PITPNC1: variants seen among roughly 807,000 people sequenced by gnomAD.
The protein encoded by PITPNC1 is cytoplasmic phosphatidylinositol transfer protein 1.
A neutral mutation model predicts 44.7 loss-of-function variants in PITPNC1; 18 were observed. The observed-to-expected ratio is 0.40, with a 90% CI of 0.28 to 0.60. PITPNC1 has a LOEUF of 0.60. Among genes scored for constraint, PITPNC1 ranks in the 20% least tolerant of loss-of-function variants. PITPNC1 has a pLI of 0.39. For missense variants in PITPNC1, 290 were observed against 418.4 expected (o/e 0.69, Z 2.68); for synonymous variants, 141 against 149.6 (o/e 0.94, Z 0.42).
intron 1 of PITPNC1, among the ~76,000 whole-genome samples, chr17:67,515,542 C>CT (rs1386928346): frequency 6.6e-6 from 1 of 152,200 alleles, no homozygotes; most frequent in Admixed American, 6.5e-5. Context: ...TTAATGAAGA[C>CT]TATGAATATG....
chr17:67,519,928 G>T (rs752407341), intron 1 of PITPNC1, among the ~76,000 whole-genome samples: 2 of 152,186 alleles, frequency 1.3e-5, no homozygotes, highest in Non-Finnish European at 2.9e-5. Flanking sequence ...GTTTGTCTAG[G>T]CATGAAGTGC....
At chr17:67,540,121 C>T (rs1314801402) in intron 2 of PITPNC1, among the ~76,000 whole-genome samples, 4 of 145,458 alleles carry the variant, frequency 2.7e-5, no homozygotes, top group South Asian at 2.2e-4. Flanking sequence ...TTTATTTTTT[C>T]GAGATGGAGT....
chr17:67,436,908 G>GGT (rs1475981276), intron 1 of PITPNC1, among the ~76,000 whole-genome samples: 10 of 68,418 alleles, frequency 1.5e-4, no homozygotes, highest in Non-Finnish European at 2.0e-4. Context: ...AAATAGGGGT[G>GGT]TTTTTTTTTT....
intron 5 of PITPNC1, among the ~76,000 whole-genome samples, chr17:67,616,639 A>G (rs1180953857): frequency 1.3e-5 from 2 of 151,958 alleles, no homozygotes; most frequent in African/African-American, 4.8e-5. Flanking sequence ...ATGGTTCTCA[A>G]CCCTTTTGTT....
chr17:67,577,204 A>T (rs2144229094), intron 4 of PITPNC1, among the ~76,000 whole-genome samples: 1 of 152,258 alleles, frequency 6.6e-6, no homozygotes, highest in Admixed American at 6.5e-5. Flanking sequence ...AGGTGGGAGG[A>T]TCGCTTGAGC....
At chr17:67,493,733 C>T (rs1172579265) in intron 1 of PITPNC1, among the ~76,000 whole-genome samples, 2 of 152,138 alleles carry the variant, frequency 1.3e-5, no homozygotes, top group African/African-American at 2.4e-5. Context: ...TGTTTTCCCT[C>T]CAGACGTGAG....
intron 1 of PITPNC1, among the ~76,000 whole-genome samples, chr17:67,438,083 G>T (rs897946840): frequency 1.3e-5 from 2 of 149,076 alleles, no homozygotes; most frequent in African/African-American, 4.9e-5. Flanking sequence ...AAGAAAAAAA[G>T]AAAAAAAAAG....
At chr17:67,386,482 T>C (rs535502774) in intron 1 of PITPNC1, among the ~76,000 whole-genome samples, 104 of 152,324 alleles carry the variant, frequency 6.8e-4, no homozygotes, top group African/African-American at 2.3e-3. Flanking sequence ...TGTGAGCCAC[T>C]GCGCCCCGCC....
At chr17:67,683,789 C>G (rs1417681806) in intron 8 of PITPNC1, among the ~76,000 whole-genome samples, 2 of 151,254 alleles carry the variant, frequency 1.3e-5, no homozygotes, top group Admixed American at 1.3e-4. Flanking sequence ...ACCAGCCTGA[C>G]CAACATGGTG....
intron 5 of PITPNC1, among the ~76,000 whole-genome samples, chr17:67,585,056 CAGTGAGCTGAGATCGT>C (rs1186820938): frequency 6.9e-6 from 1 of 145,792 alleles, no homozygotes; most frequent in East Asian, 2.0e-4. Flanking sequence ...GCAGAGATTG[CAGTGAGCTGAGATCGT>C]GCCATTGCAC....
intron 1 of PITPNC1, among the ~76,000 whole-genome samples, chr17:67,497,529 C>CTTTTTTTTTTTT (rs34364657): frequency 1.1e-5 from 1 of 87,506 alleles, no homozygotes; most frequent in Non-Finnish European, 2.1e-5. Flanking sequence ...TTGTTCGTGT[C>CTTTTTTTTTTTT]TTTTTTTTTT....
chr17:67,466,406 T>A (rs952064911), intron 1 of PITPNC1, among the ~76,000 whole-genome samples: 6 of 152,148 alleles, frequency 3.9e-5, no homozygotes, highest in Non-Finnish European at 8.8e-5. Flanking sequence ...TTCCCATTTG[T>A]TCAAACGCAA....
At position 67,462,771 on chromosome 17, in the gene PITPNC1, C is replaced by T. The variant is rs569414210; in HGVS notation, c.49-70031C>T. 5.0e-3 allele frequency among the ~76,000 whole-genome samples: 699 copies of T among 140,428 alleles called. 4 individuals carry two copies. The highest frequency in any genetic ancestry group is 0.018 in the African/African-American group (671 of 36,996). The allele number at this position is 140,428 out of a possible 152,430, so 92.1% of individuals were successfully genotyped here. A position where few individuals can be genotyped will look rare whatever the true frequency, so the allele number is the denominator to read the frequency against. On this transcript the variant is annotated intron_variant, in intron 1 of 8. Coordinates refer to ENST00000581322, the MANE Select transcript of PITPNC1 (RefSeq NM_012417.4). ...AGGCTGGAGTGCAATGGCGTGATAT[C>T]GGCTCACCGCAACCTCCGCCTCCTG...
At chr17:67,632,566 G>A (rs931390843) in intron 6 of PITPNC1, 15 of 223,558 alleles carry the variant, frequency 6.7e-5, no homozygotes, top group South Asian at 5.3e-4. Flanking sequence ...AATTACATGC[G>A]CTCTTTTTTT....
chr17:67,411,246 A>C (rs552030310), intron 1 of PITPNC1, among the ~76,000 whole-genome samples: 5 of 152,250 alleles, frequency 3.3e-5, no homozygotes, highest in African/African-American at 9.6e-5. Flanking sequence ...CTCATTCAAT[A>C]GTATCATGTG....
intron 5 of PITPNC1, among the ~76,000 whole-genome samples, chr17:67,609,660 C>T (rs2041661984): frequency 6.6e-6 from 1 of 152,048 alleles, no homozygotes; most frequent in African/African-American, 2.4e-5. Context: ...CAAGAGAGAG[C>T]AGGAAGAATC....
At chr17:67,499,843 C>G (rs995159611) in intron 1 of PITPNC1, among the ~76,000 whole-genome samples, 1 of 152,224 alleles carries the variant, frequency 6.6e-6, no homozygotes, top group Non-Finnish European at 1.5e-5. Context: ...TGTGTAAGAA[C>G]ATTCTATGAT....
chr17:67,379,466 C>G (rs2037925247), intron 1 of PITPNC1: 1 of 687,782 alleles, frequency 1.5e-6, no homozygotes, highest in Non-Finnish European at 1.8e-6. Context: ...GGGACACAGG[C>G]TGCCAAGGAG....
chr17:67,427,853 A>T (rs1464056725), intron 1 of PITPNC1, among the ~76,000 whole-genome samples: 1 of 152,242 alleles, frequency 6.6e-6, no homozygotes, highest in Non-Finnish European at 1.5e-5. Flanking sequence ...CTAGAAATCA[A>T]TTCCAACTCT....
Sources: gnomAD v4.1 joint callset for allele counts (sites outside exome capture counted in the v4.1 genomes callset) on GRCh38, gnomAD v4.1.1 for gene constraint, MANE v1.5 for transcripts, NCBI Gene and HGNC (gene_info 2026-07-23, HGNC 2026-07-21) for gene names.